Variants in MED12 observed in about 807,000 individuals in gnomAD.
MED12 encodes mediator of RNA polymerase II transcription subunit 12.
A neutral mutation model predicts 177.7 loss-of-function variants in MED12; 10 were observed. The ratio of observed to expected loss-of-function variants is 0.06; its 90% CI spans 0.03 to 0.10. The LOEUF (loss-of-function observed/expected upper bound fraction) is 0.10. Ranked by LOEUF, MED12 falls within the 10% of genes least tolerant of loss-of-function variation. The pLI is 1.00. For synonymous variants in MED12, 641 were observed against 678.4 expected, an observed-to-expected ratio of 0.94 and a Z score of 0.86; for missense variants, 867 against 1,780.8, an observed-to-expected ratio of 0.49 and a Z score of 9.23.
chrX:71,134,959 T>C, intron 35 of MED12, 111 bp downstream of exon 35: 1 of 1,157,564 alleles, frequency 8.6e-7, no homozygotes, highest in Non-Finnish European at 1.2e-6. Context: ...GTCTGCCTTT[T>C]CTTTGTTACT....
chrX:71,119,331 C>T (rs2147769324), intron 1 of MED12, 42 bp from the exon 2 acceptor site: 1 of 1,022,954 alleles, frequency 9.8e-7, no homozygotes, highest in Non-Finnish European at 1.4e-6. Context: ...CTTCCCCCTT[C>T]CCCTAAGGAA....
chrX:71,138,543 G>C (rs969759594), intron 41 of MED12, among the ~76,000 whole-genome samples: 3 of 109,352 alleles, frequency 2.7e-5, no homozygotes, highest in African/African-American at 1.0e-4. Flanking sequence ...GCCCAGGCTG[G>C]TCTTGAACTG....
rs1321193444 is a variant in MED12, at chrX:71,128,092, G to A, written c.3181G>A (p.Val1061Ile). The change falls in exon 22 of 45, where the codon GTC (valine) becomes ATC (isoleucine). Residue 1061 changes from valine (V) to isoleucine (I), a missense_variant. Val to Ile is a conservative substitution (Grantham distance 29). This residue lies in a region of MED12 where 70 missense variants were observed against 143.6 expected (regional missense o/e 0.49). Transcript: ENST00000374080. Reference protein sequence around the residue: ...YSFVCNALMHVCVGHHDPDRV... With the variant: ...YSFVCNALMHICVGHHDPDRV... ...CTTTGTCTGCAATGCCCTTATGCAC[G>A]TCTGTGTGGGGCACCATGATCCCGA... 7.4e-6 allele frequency: 9 copies of A among 1,208,923 alleles called. No homozygotes were observed. Among genetic ancestry groups the A allele is most frequent in the East Asian group, 3.0e-5 (1 of 33,767 alleles).
At chrX:71,132,028 C>T (rs1282489610) in intron 29 of MED12, 45 bp from the exon 30 acceptor site, 2 of 1,171,335 alleles carry the variant, frequency 1.7e-6, no homozygotes, top group Non-Finnish European at 2.3e-6. Flanking sequence ...TTCCTTCACC[C>T]TTAGCTACCT....
At chrX:71,126,576 C>T in intron 19 of MED12, 92 bp downstream of exon 19, 1 of 1,055,098 alleles carries the variant, frequency 9.5e-7, no homozygotes, top group East Asian at 3.0e-5. Context: ...AGGCTCCAGC[C>T]AGTTTCCCAA....
chrX:71,122,502 T>C lies in MED12; in HGVS notation c.1249-6T>C. 1.7e-6 allele frequency: 2 copies of C among 1,210,155 alleles called. No homozygotes were observed. Among genetic ancestry groups the C allele is most frequent in the Non-Finnish European group, 2.2e-6 (2 of 893,965 alleles). On this transcript the variant is annotated splice_region_variant and splice_polypyrimidine_tract_variant and intron_variant, in intron 8 of 44. Coordinates refer to ENST00000374080, the MANE Select transcript of MED12 (RefSeq NM_005120.3). ...ATCCTTGTAGCCTTCCTTTTTAACA[T>C]TGCAGGTCCGTGCAAAGTTGCGGGA...
At chrX:71,139,791 T>TG (rs2092341946) in intron 41 of MED12, among the ~76,000 whole-genome samples, 1 of 109,192 alleles carries the variant, frequency 9.2e-6, no homozygotes, top group African/African-American at 3.3e-5. Context: ...CCCAGCTACT[T>TG]GGGGGGCTGA....
At position 71,121,963 on chromosome X, in the gene MED12, G is replaced by A. The variant is rs2092290587; in HGVS notation, c.1101+147G>A. On this transcript the variant is annotated intron_variant, in intron 7 of 44. Transcript: ENST00000374080. The stretch of plus-strand genomic sequence containing the variant: ...GAGGTTGTTGTTTCTTGGTAATGGG[G>A]TGTTAGTCCCCTTTGGGGGTTTTCA... 4 of 958,299 alleles carry A rather than the reference G, an allele frequency of 4.2e-6. No individual in the cohort carries two copies. The East Asian group carries it at 1.3e-4, about 31-fold the overall frequency. The allele number at this position is 958,299 out of a possible 1,213,427, so 79.0% of individuals were successfully genotyped here.
At chrX:71,140,122 C>G (rs1045674970) in intron 41 of MED12, among the ~76,000 whole-genome samples, 4 of 97,431 alleles carry the variant, frequency 4.1e-5, no homozygotes, top group African/African-American at 1.5e-4. Context: ...CTCTGTCATC[C>G]AGGCTGGAGT....
chrX:71,118,889 G>A (rs760212725), intron 1 of MED12, 36 bp downstream of exon 1: 1 of 1,148,928 alleles, frequency 8.7e-7, no homozygotes, highest in Non-Finnish European at 1.2e-6. Flanking sequence ...AGGGGCCGGG[G>A]GCACGCGGTC....
intron 36 of MED12, 78 bp from the exon 37 acceptor site, chrX:71,136,203 C>T: frequency 8.8e-7 from 1 of 1,138,353 alleles, no homozygotes; most frequent in Non-Finnish European, 1.2e-6. Context: ...GACTTTCTTT[C>T]TACCCATTCC....
rs189435976 is a variant in MED12 at position 71,122,652 on chromosome X, G to T, written c.1348+45G>T. On this transcript the variant is annotated intron_variant, in intron 9 of 44. Transcript: ENST00000374080. ...TAATAGGAAATATGTTTGAGGAAAGGATGGGGATAGTAAGGACATGTAGAT... is the reference window on the plus strand; with the variant it reads ...TAATAGGAAATATGTTTGAGGAAAGTATGGGGATAGTAAGGACATGTAGAT... 15 of 1,196,128 alleles carry T rather than the reference G, an allele frequency of 1.3e-5. No homozygotes were observed. In the Admixed American group the frequency reaches 3.1e-4, roughly 24 times the overall value.
rs758698633 is a variant in MED12, at chrX:71,125,654, C to A, written c.2372-9C>A. 8 of 860,024 alleles carry A rather than the reference C, an allele frequency of 9.3e-6. No homozygotes were observed. Among genetic ancestry groups the A allele is most frequent in the Non-Finnish European group, 1.1e-5 (7 of 623,933 alleles). 70.9% of individuals were successfully genotyped at this position (860,024 alleles called of 1,213,427 possible). A position where few individuals can be genotyped will look rare whatever the true frequency, so the allele number is the denominator to read the frequency against. ...TTGAAACTTCCCCCCTCATTCCCCC[C>A]CTCTACAGACCAGCTTGCTCCTATT... On this transcript the variant is annotated splice_polypyrimidine_tract_variant and intron_variant, in intron 16 of 44. Transcript: ENST00000374080.
Position 71,140,660 on chromosome X carries a change from A to T in MED12, c.6070A>T (p.Thr2024Ser), listed in dbSNP as rs2092344662. 2 of 1,210,765 alleles carry T rather than the reference A, an allele frequency of 1.7e-6. No individual in the cohort carries two copies. Among genetic ancestry groups the T allele is most frequent in the Non-Finnish European group, 2.2e-6 (2 of 895,255 alleles). Reference sequence around the variant, plus strand: ...GTTTTCACACCAGACACTGCAGCAGACACCCATGATAAGTACCATGACTCC... The same window carrying T: ...GTTTTCACACCAGACACTGCAGCAGTCACCCATGATAAGTACCATGACTCC... ...QRFSHQTLQQ[T>S]PMISTMTPMS... is the part of the protein sequence containing the mutation. Residue 2024 changes from threonine (T) to serine (S), a missense_variant, in exon 42 of 45, where the codon ACA becomes TCA. Thr to Ser is a moderately conservative substitution (Grantham distance 58, BLOSUM62 1). Coordinates refer to ENST00000374080, the MANE Select transcript of MED12 (RefSeq NM_005120.3).
intron 21 of MED12, 102 bp from the exon 22 acceptor site, chrX:71,127,791 C>A (rs920520245): frequency 4.1e-5 from 25 of 608,303 alleles, no homozygotes; most frequent in South Asian, 7.2e-5. Context: ...GATCCTTCAT[C>A]CCTCACTTTC....
rs762621629 is a variant in MED12, at chrX:71,121,474, G to A, written c.846+37G>A. 97 of 1,206,704 alleles carry A rather than the reference G, an allele frequency of 8.0e-5. No individual in the cohort carries two copies. The South Asian group carries it at 1.5e-3, about 19-fold the overall frequency. ...AATTTTGGTACTGGTGGGGCAGGGG[G>A]AGTCTAAGAAGAATTTGAGGAAGAA... On this transcript the variant is annotated intron_variant, in intron 6 of 44. Transcript: ENST00000374080.
chrX:71,124,928 C>T (rs1420387996), intron 14 of MED12, 48 bp from the exon 15 acceptor site: 2 of 1,198,822 alleles, frequency 1.7e-6, no homozygotes, highest in Admixed American at 2.2e-5. Flanking sequence ...TTTGCCCCCT[C>T]ATCCACTTTC....
At chrX:71,136,755 C>A in intron 37 of MED12, 100 bp downstream of exon 37, 1 of 1,177,060 alleles carries the variant, frequency 8.5e-7, no homozygotes, top group Non-Finnish European at 1.1e-6. Flanking sequence ...GGAAGGGGTG[C>A]CATTAGAATC....
chrX:71,125,604 G>C, intron 16 of MED12, 59 bp from the exon 17 acceptor site: 3 of 1,177,704 alleles, frequency 2.5e-6, no homozygotes, highest in Non-Finnish European at 3.5e-6. Flanking sequence ...CTGTCTCTTG[G>C]AGTCTCCTGA....
Sources: gnomAD v4.1 joint callset for allele counts (sites outside exome capture counted in the v4.1 genomes callset) on GRCh38, gnomAD v4.1.1 for gene constraint, gnomAD v4.1.1 regional missense constraint, MANE v1.5 for transcripts, NCBI Gene and HGNC (gene_info 2026-07-23, HGNC 2026-07-21) for gene names.